The following EXT1 variants were observed in gnomAD, a reference collection of about 807,000 sequenced individuals.
EXT1 encodes the protein exostosin-1.
In EXT1, 20 loss-of-function variants were observed where a neutral mutation model predicts 82.5. The ratio of observed to expected loss-of-function variants is 0.24; its 90% CI spans 0.17 to 0.35. EXT1 has a LOEUF of 0.35. Ranked by LOEUF, EXT1 falls within the 10% of genes least tolerant of loss-of-function variation. The pLI, the probability that EXT1 is intolerant of heterozygous loss-of-function variation, is 1.00. For synonymous variants in EXT1, 348 were observed against 350.8 expected (o/e 0.99, Z 0.09); for missense variants, 757 against 936.5 (o/e 0.81, Z 2.50).
At chr8:117,867,010 C>G (rs936195951) in intron 1 of EXT1, among the ~76,000 whole-genome samples, 2 of 151,970 alleles carry the variant, frequency 1.3e-5, no homozygotes, top group East Asian at 3.9e-4. Flanking sequence ...CCTGTAATCC[C>G]AGCACTTTGG....
At chr8:117,955,299 A>G (rs1339562513) in intron 1 of EXT1, among the ~76,000 whole-genome samples, 1 of 152,182 alleles carries the variant, frequency 6.6e-6, no homozygotes, top group Non-Finnish European at 1.5e-5. Flanking sequence ...AGATAATTAA[A>G]CAATTTCCAG....
chr8:118,036,623 T>G (rs1816423549), intron 1 of EXT1, among the ~76,000 whole-genome samples: 1 of 152,180 alleles, frequency 6.6e-6, no homozygotes, highest in Non-Finnish European at 1.5e-5. Context: ...ATGTTTCCGT[T>G]TTTAATAGAA....
At chr8:117,875,688 C>T (rs1812956673) in intron 1 of EXT1, among the ~76,000 whole-genome samples, 1 of 151,934 alleles carries the variant, frequency 6.6e-6, no homozygotes, top group African/African-American at 2.4e-5. Flanking sequence ...CAAAAATTAT[C>T]CGTTGCCAAG....
chr8:118,111,671 C>A lies in EXT1; in HGVS notation c.-625G>T, dbSNP rs1817906649. 3 of 336,524 alleles carry A rather than the reference C, an allele frequency of 8.9e-6. No individual in the cohort carries two copies. The highest frequency in any genetic ancestry group is 1.6e-5 in the Non-Finnish European group (3 of 186,608). The allele number at this position is 336,524 out of a possible 1,614,324, so 20.8% of individuals were successfully genotyped here. A position where few individuals can be genotyped will look rare whatever the true frequency, so the allele number is the denominator to read the frequency against. ...TACTCCTGCGCTCGCGGGGCCGGCC[C>A]CCGGGACGCGCGGCGGCCCGGCTGG... On this transcript the variant is annotated 5_prime_UTR_variant, in exon 1 of 11. Coordinates refer to ENST00000378204, the MANE Select transcript of EXT1 (RefSeq NM_000127.3).
intron 1 of EXT1, among the ~76,000 whole-genome samples, chr8:117,972,977 G>C (rs530466578): frequency 4.6e-5 from 7 of 152,158 alleles, no homozygotes; most frequent in African/African-American, 9.6e-5. Flanking sequence ...CTGCCAAACC[G>C]TATCAATATG....
Position 117,812,111 on chromosome 8 carries a change from C to T in EXT1, c.1722+761G>A, listed in dbSNP as rs374550437. On this transcript the variant is annotated intron_variant, in intron 8 of 10. Coordinates refer to ENST00000378204, the MANE Select transcript of EXT1 (RefSeq NM_000127.3). ...GGGAGGGGAAAGGTGTAAGTAGTTACGTCTCCATGCTTTTTAGTAGTTGCC... is the reference window on the plus strand; with the variant it reads ...GGGAGGGGAAAGGTGTAAGTAGTTATGTCTCCATGCTTTTTAGTAGTTGCC... 9.8e-5 allele frequency among the ~76,000 whole-genome samples: 15 copies of T among 152,302 alleles called. No individual in the cohort carries two copies. In the East Asian group the frequency reaches 2.7e-3, roughly 27 times the overall value.
At chr8:117,994,422 A>G (rs1815495031) in intron 1 of EXT1, among the ~76,000 whole-genome samples, 1 of 152,142 alleles carries the variant, frequency 6.6e-6, no homozygotes, top group African/African-American at 2.4e-5. Flanking sequence ...GAACAGCCTG[A>G]GCAACATGGC....
At chr8:118,094,419 C>T (rs1817573373) in intron 1 of EXT1, among the ~76,000 whole-genome samples, 1 of 152,146 alleles carries the variant, frequency 6.6e-6, no homozygotes, top group South Asian at 2.1e-4. Flanking sequence ...TTATAATGAG[C>T]TGTAAACAGG....
intron 1 of EXT1, among the ~76,000 whole-genome samples, chr8:118,028,814 C>A (rs936808096): frequency 1.4e-4 from 21 of 151,808 alleles, no homozygotes; most frequent in African/African-American, 4.8e-4. Context: ...CCCAGCTACT[C>A]GGAAGGCTGA....
rs1815766293 is a variant in EXT1, at chr8:118,005,935, C to T, written c.962+104150G>A. ...AAGAAGTGTCCATCAAAGCAGCCAT[C>T]TCTACTGTTATACAATAGGACAGCT... On this transcript the variant is annotated intron_variant, in intron 1 of 10. Coordinates refer to ENST00000378204, the MANE Select transcript of EXT1 (RefSeq NM_000127.3). Among the ~76,000 whole-genome samples, 5 of 152,206 alleles carry T rather than the reference C, an allele frequency of 3.3e-5. No homozygotes were observed. In the South Asian group the frequency reaches 1.0e-3, roughly 32 times the overall value.
Position 117,863,053 on chromosome 8 carries a change from C to T in EXT1, c.963-25852G>A, listed in dbSNP as rs567407744. Among the ~76,000 whole-genome samples the T allele has an allele frequency of 2.8e-4, 43 of 152,114 alleles. No homozygotes were observed. The South Asian group carries it at 8.3e-3, about 29-fold the overall frequency. On this transcript the variant is annotated intron_variant, in intron 1 of 10. Transcript: ENST00000378204. ...GGTATTTGACTAACAGGGCAGTGGG[C>T]GTTGTTAGCTTTGATGCATACTCAT...
intron 1 of EXT1, among the ~76,000 whole-genome samples, chr8:117,984,756 G>GA (rs1221339611): frequency 1.3e-5 from 2 of 152,338 alleles, no homozygotes; most frequent in East Asian, 1.9e-4. Flanking sequence ...ATAACTAGAG[G>GA]AAGGAGTGGA....
At chr8:118,050,995 C>T (rs1816708050) in intron 1 of EXT1, among the ~76,000 whole-genome samples, 1 of 152,078 alleles carries the variant, frequency 6.6e-6, no homozygotes, top group Non-Finnish European at 1.5e-5. Flanking sequence ...AAAAAGAATC[C>T]CTGCTATTAA....
chr8:117,946,898 AT>A (rs1412076296), intron 1 of EXT1, among the ~76,000 whole-genome samples: 1 of 152,102 alleles, frequency 6.6e-6, no homozygotes. Context: ...TTCTTCCACA[AT>A]TGCTTCATCT....
At chr8:117,877,045 T>C (rs796501447) in intron 1 of EXT1, among the ~76,000 whole-genome samples, 2 of 152,342 alleles carry the variant, frequency 1.3e-5, no homozygotes, top group African/African-American at 4.8e-5. Flanking sequence ...ACTAAGGCTC[T>C]GGTCATGTCA....
At chr8:118,103,685 A>G (rs1398878922) in intron 1 of EXT1, among the ~76,000 whole-genome samples, 1 of 152,128 alleles carries the variant, frequency 6.6e-6, no homozygotes, top group African/African-American at 2.4e-5. Flanking sequence ...ACCCTGCAGG[A>G]TGCTATCAGT....
chr8:117,892,842 A>C (rs1813270172), intron 1 of EXT1, among the ~76,000 whole-genome samples: 1 of 152,242 alleles, frequency 6.6e-6, no homozygotes, highest in Non-Finnish European at 1.5e-5. Context: ...TATGAGAGAA[A>C]GAAAAGAGTC....
intron 1 of EXT1, among the ~76,000 whole-genome samples, chr8:117,923,792 G>A (rs1028239715): frequency 1.3e-5 from 2 of 151,646 alleles, no homozygotes; most frequent in Admixed American, 1.3e-4. Flanking sequence ...TCCCCAAAGC[G>A]TGACTGGAAT....
intron 1 of EXT1, among the ~76,000 whole-genome samples, chr8:118,049,784 C>T (rs1816688136): frequency 6.6e-6 from 1 of 152,078 alleles, no homozygotes; most frequent in African/African-American, 2.4e-5. Context: ...ACCACATCAG[C>T]TTAACAAGAA....
Sources: allele counts gnomAD v4.1 joint callset (sites outside exome capture counted in the v4.1 genomes callset), GRCh38; gene constraint gnomAD v4.1.1; transcripts MANE v1.5; gene names NCBI Gene and HGNC (gene_info 2026-07-23, HGNC 2026-07-21).